Variants in PTPRT observed in about 807,000 individuals in gnomAD.
PTPRT encodes the protein protein tyrosine phosphatase receptor type T.
In PTPRT, 56 loss-of-function variants were observed where a neutral mutation model predicts 176.8. The ratio of observed to expected loss-of-function variants is 0.32; its 90% confidence interval spans 0.26 to 0.40. The LOEUF (loss-of-function observed/expected upper bound fraction) is 0.40, where lower values mean the gene tolerates loss of function less well. Ranked by LOEUF, PTPRT falls within the 10% of genes least tolerant of loss-of-function variation. PTPRT has a pLI of 1.00. For missense variants in PTPRT, 1,540 were observed against 1,908.2 expected, an observed-to-expected ratio of 0.81 and a Z score of 3.60; for synonymous variants, 783 against 739.0, an observed-to-expected ratio of 1.06 and a Z score of -0.96.
chr20:42,609,224 T>G (rs947789848), intron 7 of PTPRT, among the ~76,000 whole-genome samples: 1 of 151,904 alleles, frequency 6.6e-6, no homozygotes, highest in Non-Finnish European at 1.5e-5. Flanking sequence ...CAGACACACA[T>G]GACCATGCCG....
Position 42,567,449 on chromosome 20 carries a change from C to T in PTPRT, c.1154-94887G>A, listed in dbSNP as rs113264369. On this transcript the variant is annotated intron_variant, in intron 7 of 30. Coordinates refer to ENST00000373187, the MANE Select transcript of PTPRT (RefSeq NM_007050.6). ...GTCACATTTTAAGACTTGGCTTTGA[C>T]ATTATCTCCATTAAGAAGCTTCCTG... Among the ~76,000 whole-genome samples, 561 of 152,306 alleles carry T rather than the reference C, an allele frequency of 3.7e-3. 3 individuals carry two copies. The highest frequency in any genetic ancestry group is 0.013 in the African/African-American group (540 of 41,570).
intron 1 of PTPRT, among the ~76,000 whole-genome samples, chr20:43,151,078 G>A (rs544003977): frequency 6.6e-6 from 1 of 151,926 alleles, no homozygotes; most frequent in South Asian, 2.1e-4. Flanking sequence ...AGGCCTAGGA[G>A]GGCAGATCAC....
intron 15 of PTPRT, among the ~76,000 whole-genome samples, chr20:42,215,100 A>C (rs996376507): frequency 3.3e-5 from 5 of 152,232 alleles, no homozygotes; most frequent in African/African-American, 1.2e-4. Context: ...GGTGATAAGA[A>C]AGAAAAAAGT....
At chr20:43,177,786 G>A (rs1048167758) in intron 1 of PTPRT, among the ~76,000 whole-genome samples, 2 of 152,150 alleles carry the variant, frequency 1.3e-5, no homozygotes, top group Non-Finnish European at 2.9e-5. Context: ...GACCCATCAG[G>A]AACCTGGCCC....
intron 1 of PTPRT, among the ~76,000 whole-genome samples, chr20:43,047,238 T>C (rs1986873518): frequency 1.3e-5 from 2 of 152,184 alleles, no homozygotes; most frequent in African/African-American, 4.8e-5. Flanking sequence ...CCAACTTTTT[T>C]ATTTGACGTC....
intron 1 of PTPRT, among the ~76,000 whole-genome samples, chr20:42,994,156 A>G (rs185549456): frequency 6.6e-6 from 1 of 152,296 alleles, no homozygotes; most frequent in Non-Finnish European, 1.5e-5. Context: ...GGCACATAAG[A>G]CCACCTCATT....
chr20:42,535,492 A>G (rs550924083), intron 7 of PTPRT, among the ~76,000 whole-genome samples: 1 of 152,140 alleles, frequency 6.6e-6, no homozygotes, highest in South Asian at 2.1e-4. Flanking sequence ...TAAAATACAT[A>G]TGATGTAAGT....
intron 15 of PTPRT, among the ~76,000 whole-genome samples, chr20:42,232,521 C>A (rs1308896847): frequency 3.3e-5 from 5 of 152,088 alleles, no homozygotes; most frequent in Non-Finnish European, 7.4e-5. Context: ...TCAAGGCTCC[C>A]CCTCGGGGCA....
chr20:42,563,480 C>A (rs2072987487), intron 7 of PTPRT, among the ~76,000 whole-genome samples: 1 of 152,004 alleles, frequency 6.6e-6, no homozygotes, highest in African/African-American at 2.4e-5. Flanking sequence ...TAAATGTGGC[C>A]AAGTAATTCA....
At chr20:42,124,603 C>G (rs376513890) in intron 19 of PTPRT, among the ~76,000 whole-genome samples, 1 of 152,178 alleles carries the variant, frequency 6.6e-6, no homozygotes, top group Non-Finnish European at 1.5e-5. Context: ...AGAAATGATT[C>G]TAGCATGGGC....
intron 6 of PTPRT, among the ~76,000 whole-genome samples, chr20:42,689,516 A>C (rs2075757455): frequency 6.6e-6 from 1 of 152,174 alleles, no homozygotes; most frequent in South Asian, 2.1e-4. Flanking sequence ...GGAGTGAGCC[A>C]CACCCGTTTC....
At chr20:42,335,271 T>G (rs1049673387) in intron 11 of PTPRT, among the ~76,000 whole-genome samples, 2 of 152,154 alleles carry the variant, frequency 1.3e-5, no homozygotes, top group Non-Finnish European at 2.9e-5. Flanking sequence ...CCTCTACCCC[T>G]TAGGCAGGAG....
chr20:42,292,462 C>T (rs1451106872), intron 12 of PTPRT, among the ~76,000 whole-genome samples: 1 of 152,050 alleles, frequency 6.6e-6, no homozygotes, highest in African/African-American at 2.4e-5. Context: ...ACCTACTTAG[C>T]ATAGTTTATG....
chr20:42,685,685 TAAA>T (rs2075679589), intron 6 of PTPRT: 2 of 152,214 alleles, frequency 1.3e-5, no homozygotes, highest in Admixed American at 1.3e-4. Context: ...CATCTAGATT[TAAA>T]TACATGAAAA....
chr20:42,924,706 C>T (rs1487530420), intron 1 of PTPRT, among the ~76,000 whole-genome samples: 1 of 152,178 alleles, frequency 6.6e-6, no homozygotes, highest in Non-Finnish European at 1.5e-5. Flanking sequence ...CTGCTGTTAA[C>T]CTCACTTTTC....
In PTPRT at chr20:42,104,616, T is replaced by G; in HGVS notation, c.3493A>C (p.Arg1165=). 6.2e-7 allele frequency: 1 copy of G among 1,612,170 alleles called. No individual in the cohort carries two copies. Among genetic ancestry groups the G allele is most frequent in the Non-Finnish European group, 8.5e-7 (1 of 1,178,218 alleles). The stretch of plus-strand genomic sequence containing the variant: ...CTGGAGTTTGTCTGGGGGTCCAGCC[T>G]GCTGATATTGTAGTAGAGAGAACGG... ...EFRSLYYNIS[R]LDPQTNSSQI... The change falls in exon 25 of 31, where the codon AGG becomes CGG. Residue 1165 remains arginine, a synonymous_variant. Coordinates refer to ENST00000373187, the MANE Select transcript of PTPRT (RefSeq NM_007050.6).
At chr20:42,789,961 C>T (rs979607477) in intron 3 of PTPRT, among the ~76,000 whole-genome samples, 2 of 152,148 alleles carry the variant, frequency 1.3e-5, no homozygotes, top group African/African-American at 4.8e-5. Flanking sequence ...CCCCAGCCAC[C>T]GGTTCATCTT....
chr20:42,629,795 T>C (rs1396676005), intron 7 of PTPRT, among the ~76,000 whole-genome samples: 3 of 152,178 alleles, frequency 2.0e-5, no homozygotes, highest in Admixed American at 6.5e-5. Context: ...GGAACTGACC[T>C]GGCAATAGGC....
At chr20:42,403,581 T>G (rs540475045) in intron 9 of PTPRT, among the ~76,000 whole-genome samples, 221 of 152,330 alleles carry the variant, frequency 1.5e-3, no homozygotes, top group African/African-American at 5.1e-3. Context: ...AATCCCTTTC[T>G]GCTTTGAAGA....
Sources: gnomAD v4.1 joint callset for allele counts (sites outside exome capture counted in the v4.1 genomes callset) on GRCh38, gnomAD v4.1.1 for gene constraint, MANE v1.5 for transcripts, NCBI Gene and HGNC (gene_info 2026-07-23, HGNC 2026-07-21) for gene names.